The following ABCA12 variants were observed in gnomAD, a reference collection of about 807,000 sequenced individuals.
The protein encoded by ABCA12 is glucosylceramide transporter ABCA12.
A neutral mutation model predicts 293.5 loss-of-function variants in ABCA12; 156 were observed. The observed-to-expected ratio is 0.53, with a 90% CI of 0.47 to 0.61. The LOEUF (loss-of-function observed/expected upper bound fraction) is 0.61, where lower values mean the gene tolerates loss of function less well. ABCA12 is among the 20% of genes least tolerant of loss of function. The pLI, the probability that ABCA12 is intolerant of heterozygous loss-of-function variation, is 0.00. For missense variants in ABCA12, 2,797 were observed against 3,090.2 expected (o/e 0.91, Z 2.25); for synonymous variants, 1,063 against 1,108.0 (o/e 0.96, Z 0.81).
chr2:214,956,634 C>T (rs1559113480), intron 42 of ABCA12, 29 bp downstream of exon 42: 2 of 1,502,866 alleles, frequency 1.3e-6, no homozygotes, highest in Non-Finnish European at 1.9e-6. Flanking sequence ...TCTATTAATT[C>T]TTCTTTCATT....
At chr2:215,075,382 C>A in intron 2 of ABCA12, 1 of 531,302 alleles carries the variant, frequency 1.9e-6, no homozygotes, top group Non-Finnish European at 3.3e-6. Context: ...GTAACCTGAG[C>A]TAACTTATGA....
At chr2:215,132,439 C>A (rs1224694029) in intron 1 of ABCA12, among the ~76,000 whole-genome samples, 1 of 151,502 alleles carries the variant, frequency 6.6e-6, no homozygotes, top group Non-Finnish European at 1.5e-5. Context: ...TTAATATATA[C>A]TTGGGATAGT....
chr2:215,124,768 G>T (rs781509441), intron 1 of ABCA12, among the ~76,000 whole-genome samples: 1 of 152,106 alleles, frequency 6.6e-6, no homozygotes, highest in African/African-American at 2.4e-5. Context: ...TGTTTATTCT[G>T]CTGACTGTTC....
At chr2:215,036,917 C>T in intron 8 of ABCA12, 36 bp downstream of exon 8, 1 of 1,561,038 alleles carries the variant, frequency 6.4e-7, no homozygotes, top group Non-Finnish European at 8.8e-7. Flanking sequence ...GGCTTTGTGA[C>T]ACTGAATTTA....
At chr2:215,109,794 A>T (rs1319712867) in intron 2 of ABCA12, among the ~76,000 whole-genome samples, 1 of 152,190 alleles carries the variant, frequency 6.6e-6, no homozygotes, top group African/African-American at 2.4e-5. Context: ...CAAAGACCTT[A>T]TATTTCTCTC....
intron 1 of ABCA12, among the ~76,000 whole-genome samples, chr2:215,135,388 T>A (rs547618115): frequency 5.9e-5 from 9 of 152,370 alleles, no homozygotes; most frequent in Admixed American, 2.6e-4. Context: ...GATTCTTAAC[T>A]TCTTCTCTTT....
chr2:215,069,295 T>C (rs1196852464), intron 2 of ABCA12, among the ~76,000 whole-genome samples: 3 of 151,938 alleles, frequency 2.0e-5, no homozygotes, highest in Non-Finnish European at 1.5e-5. Context: ...CTTCTGATCG[T>C]GCAAATAATG....
chr2:215,098,967 G>T (rs1264331119), intron 2 of ABCA12, among the ~76,000 whole-genome samples: 1 of 152,230 alleles, frequency 6.6e-6, no homozygotes, highest in Non-Finnish European at 1.5e-5. Flanking sequence ...ATCTTGTTAG[G>T]CTGTGTGGTG....
intron 11 of ABCA12, among the ~76,000 whole-genome samples, chr2:215,021,478 G>T (rs1401120410): frequency 6.6e-6 from 1 of 152,180 alleles, no homozygotes; most frequent in Admixed American, 6.5e-5. Context: ...TATGTGTTCT[G>T]AGGATATATT....
chr2:214,961,191 C>T (rs1699102117), intron 39 of ABCA12, among the ~76,000 whole-genome samples: 1 of 151,998 alleles, frequency 6.6e-6, no homozygotes, highest in Non-Finnish European at 1.5e-5. Flanking sequence ...TGAAAGAGAT[C>T]GAGTTCCTTC....
intron 2 of ABCA12, among the ~76,000 whole-genome samples, chr2:215,102,974 T>G (rs1264521626): frequency 3.3e-5 from 5 of 152,260 alleles, no homozygotes; most frequent in Non-Finnish European, 4.4e-5. Context: ...GAACAATTAT[T>G]GATCTTGATC....
intron 1 of ABCA12, among the ~76,000 whole-genome samples, chr2:215,115,045 G>T (rs1302027419): frequency 1.3e-5 from 2 of 152,080 alleles, no homozygotes; most frequent in African/African-American, 2.4e-5. Flanking sequence ...GTTTTGGTGA[G>T]TTTTAAAATT....
At chr2:215,089,441 A>G (rs992347649) in intron 2 of ABCA12, among the ~76,000 whole-genome samples, 18 of 152,332 alleles carry the variant, frequency 1.2e-4, no homozygotes, top group African/African-American at 4.3e-4. Context: ...CGCACAGGCC[A>G]AAAAGCCTCT....
intron 3 of ABCA12, among the ~76,000 whole-genome samples, chr2:215,056,471 A>G (rs1701422803): frequency 6.6e-6 from 1 of 152,046 alleles, no homozygotes; most frequent in South Asian, 2.1e-4. Context: ...CTCACCAGGA[A>G]GTGCCCAGTG....
chr2:215,005,771 A>T (rs1700240811), intron 19 of ABCA12, among the ~76,000 whole-genome samples: 1 of 152,250 alleles, frequency 6.6e-6, no homozygotes, highest in South Asian at 2.1e-4. Context: ...ATATGCTAAA[A>T]ACCCTGATTT....
At chr2:214,949,177 A>G (rs1214996418) in intron 45 of ABCA12, 28 bp from the exon 46 acceptor site, 1 of 1,532,482 alleles carries the variant, frequency 6.5e-7, no homozygotes, top group East Asian at 2.3e-5. Flanking sequence ...AAGAAGATAT[A>G]AGCCTTAATC....
Position 214,932,463 on chromosome 2 carries a change from G to A in ABCA12, c.*171C>T, listed in dbSNP as rs890447705. ...GTAGCAACAACACTCACTGACCTTA[G>A]AAGGAAAAATTTCCTTTTATAATTA... On this transcript the variant is annotated 3_prime_UTR_variant, in exon 53 of 53. Coordinates refer to ENST00000272895, the MANE Select transcript of ABCA12 (RefSeq NM_173076.3). 3.5e-5 allele frequency: 22 copies of A among 633,722 alleles called. No individual in the cohort carries two copies. The highest frequency in any genetic ancestry group is 4.3e-4 in the Middle Eastern group (1 of 2,318). The allele number at this position is 633,722 out of a possible 1,614,324, so 39.3% of individuals were successfully genotyped here.
chr2:215,010,997 G>A (rs1222075327), intron 17 of ABCA12, among the ~76,000 whole-genome samples: 2 of 152,190 alleles, frequency 1.3e-5, no homozygotes, highest in East Asian at 3.8e-4. Context: ...TTACGGTTCT[G>A]CTGCAGTCAT....
intron 24 of ABCA12, among the ~76,000 whole-genome samples, chr2:214,990,352 CAT>C (rs1699885207): frequency 6.6e-6 from 1 of 152,176 alleles, no homozygotes; most frequent in Non-Finnish European, 1.5e-5. Context: ...AAATTGTTCA[CAT>C]ATGAGAATAA....
Sources: allele counts gnomAD v4.1 joint callset (sites outside exome capture counted in the v4.1 genomes callset), GRCh38; gene constraint gnomAD v4.1.1; transcripts MANE v1.5; gene names NCBI Gene and HGNC (gene_info 2026-07-23, HGNC 2026-07-21).